FLVCR2: variants seen among roughly 807,000 people sequenced by gnomAD.
FLVCR2 encodes choline/ethanolamine transporter FLVCR2.
FLVCR2 carries 38 observed loss-of-function variants against 48.9 expected under a neutral mutation model. The observed-to-expected ratio is 0.78, with a 90% CI of 0.60 to 1.02. The LOEUF (loss-of-function observed/expected upper bound fraction) is 1.02. Ranked by LOEUF, FLVCR2 falls within the 50% of genes least tolerant of loss-of-function variation. The pLI, the probability that FLVCR2 is intolerant of heterozygous loss-of-function variation, is 0.00. For missense variants in FLVCR2, 664 were observed against 663.3 expected (o/e 1.00, Z -0.01); for synonymous variants, 255 against 257.0 (o/e 0.99, Z 0.07).
chr14:75,605,419 T>C (rs1156771357), intron 1 of FLVCR2: 5 of 1,446,716 alleles, frequency 3.5e-6, no homozygotes, highest in East Asian at 2.5e-5. Flanking sequence ...GAGTCATTCA[T>C]AGGTGGGAGG....
intron 9 of FLVCR2, among the ~76,000 whole-genome samples, chr14:75,643,172 T>C (rs1890343108): frequency 6.6e-6 from 1 of 152,234 alleles, no homozygotes; most frequent in Non-Finnish European, 1.5e-5. Context: ...TACAACATAC[T>C]TTTAATGCCT....
At chr14:75,590,515 A>G (rs910598192) in intron 1 of FLVCR2, among the ~76,000 whole-genome samples, 1 of 152,184 alleles carries the variant, frequency 6.6e-6, no homozygotes, top group Non-Finnish European at 1.5e-5. Flanking sequence ...GTCCCCACCA[A>G]ATCTCATGTT....
At chr14:75,597,610 C>T (rs908166193) in intron 1 of FLVCR2, among the ~76,000 whole-genome samples, 29 of 152,042 alleles carry the variant, frequency 1.9e-4, no homozygotes, top group Non-Finnish European at 4.0e-4. Flanking sequence ...CACTTTGCCC[C>T]CCAGGTTGGA....
Position 75,619,176 on chromosome 14 carries a change from G to C in FLVCR2, c.670-2903G>C, listed in dbSNP as rs554288038. Reference sequence around the variant, plus strand: ...GAGGCGGCAGAGGTTGCAGTGAACTGAGATCATGCCACTGCACTCCGTCCT... The same window carrying C: ...GAGGCGGCAGAGGTTGCAGTGAACTCAGATCATGCCACTGCACTCCGTCCT... On this transcript the variant is annotated intron_variant, in intron 1 of 9. Transcript: ENST00000238667. Among the ~76,000 whole-genome samples the C allele has an allele frequency of 8.0e-4, 122 of 152,196 alleles. 1 individual carries two copies. Among genetic ancestry groups the C allele is most frequent in the African/African-American group, 2.9e-3 (120 of 41,536 alleles).
chr14:75,595,774 A>G, intron 1 of FLVCR2: 1 of 711,990 alleles, frequency 1.4e-6, no homozygotes, highest in Middle Eastern at 4.0e-4. Context: ...AAAAATCCAC[A>G]ATGGCCACAG....
At chr14:75,610,641 G>A (rs937266134) in intron 1 of FLVCR2, among the ~76,000 whole-genome samples, 1 of 152,324 alleles carries the variant, frequency 6.6e-6, no homozygotes, top group East Asian at 1.9e-4. Context: ...TATAAACCGG[G>A]TGAGAGTGAG....
intron 1 of FLVCR2, chr14:75,605,356 T>G: frequency 2.9e-6 from 3 of 1,029,020 alleles, no homozygotes; most frequent in Non-Finnish European, 4.0e-6. Context: ...GTTAACCCAG[T>G]GGAATATCTC....
At chr14:75,599,224 G>C (rs1889101065) in intron 1 of FLVCR2, among the ~76,000 whole-genome samples, 2 of 151,900 alleles carry the variant, frequency 1.3e-5, no homozygotes, top group East Asian at 1.9e-4. Context: ...CCCCCATGCT[G>C]TGCCTCCAGT....
At chr14:75,613,608 G>A (rs1326107382) in intron 1 of FLVCR2, among the ~76,000 whole-genome samples, 1 of 152,088 alleles carries the variant, frequency 6.6e-6, no homozygotes, top group African/African-American at 2.4e-5. Flanking sequence ...CTGGAGTGCA[G>A]TGGCACATCT....
intron 6 of FLVCR2, among the ~76,000 whole-genome samples, chr14:75,640,405 TTGTGTGTGTGTGTGTG>T (rs10562124): frequency 1.3e-5 from 2 of 148,396 alleles, no homozygotes; most frequent in African/African-American, 2.5e-5. Context: ...ATATGAGTGT[TTGTGTGTGTGTGTGTG>T]TGTGTGTGTG....
At chr14:75,622,964 G>C (rs1335481544) in intron 2 of FLVCR2, among the ~76,000 whole-genome samples, 1 of 150,926 alleles carries the variant, frequency 6.6e-6, no homozygotes, top group African/African-American at 2.4e-5. Flanking sequence ...TACTGTTAAT[G>C]TTTTATTTAT....
intron 1 of FLVCR2, among the ~76,000 whole-genome samples, chr14:75,618,187 G>A (rs1032279216): frequency 2.6e-5 from 4 of 152,196 alleles, no homozygotes; most frequent in Non-Finnish European, 5.9e-5. Flanking sequence ...AAAATAGCTA[G>A]GAGCAGAGCT....
intron 1 of FLVCR2, among the ~76,000 whole-genome samples, chr14:75,602,568 T>C (rs1402163606): frequency 6.6e-6 from 1 of 152,188 alleles, no homozygotes; most frequent in Non-Finnish European, 1.5e-5. Context: ...TTTTTGTAGC[T>C]CTGTACCAAG....
chr14:75,609,403 T>G (rs1038241466), intron 1 of FLVCR2, among the ~76,000 whole-genome samples: 2 of 152,200 alleles, frequency 1.3e-5, no homozygotes, highest in Non-Finnish European at 2.9e-5. Flanking sequence ...GGGCCAGATC[T>G]AATGGTGCTG....
At chr14:75,615,013 G>A (rs1889572126) in intron 1 of FLVCR2, among the ~76,000 whole-genome samples, 1 of 152,140 alleles carries the variant, frequency 6.6e-6, no homozygotes, top group African/African-American at 2.4e-5. Context: ...GATTTTGGTG[G>A]GGACACAGAG....
Position 75,646,623 on chromosome 14 carries a change from C to T in FLVCR2, c.*151C>T, listed in dbSNP as rs763064606. On this transcript the variant is annotated 3_prime_UTR_variant, in exon 10 of 10. Coordinates refer to ENST00000238667, the MANE Select transcript of FLVCR2 (RefSeq NM_017791.3). The stretch of plus-strand genomic sequence containing the variant: ...CATGGATGGCCTATTCCTCCTAGAA[C>T]CCACGTAAGAGCTTGGATGATTTAG... 2.6e-4 allele frequency: 180 copies of T among 695,254 alleles called. 2 individuals carry two copies. In the Middle Eastern group the frequency reaches 3.0e-3, roughly 12 times the overall value. 43.1% of individuals were successfully genotyped at this position (695,254 alleles called of 1,614,324 possible). A position where few individuals can be genotyped will look rare whatever the true frequency, so the allele number is the denominator to read the frequency against.
intron 3 of FLVCR2, among the ~76,000 whole-genome samples, chr14:75,625,419 T>A (rs1305769717): frequency 6.6e-6 from 1 of 151,960 alleles, no homozygotes; most frequent in Non-Finnish European, 1.5e-5. Flanking sequence ...GTTTTCTGTA[T>A]CTTATTTCAA....
chr14:75,630,434 A>C (rs72723674), intron 3 of FLVCR2, among the ~76,000 whole-genome samples: 7,416 of 152,270 alleles, frequency 0.049, 235 homozygotes, highest in Middle Eastern at 0.12. Context: ...GTAGTTGCTA[A>C]AGATGCAGAT....
chr14:75,645,033 G>GGTGTGTGTGTGT (rs71119379), intron 9 of FLVCR2, among the ~76,000 whole-genome samples: 1 of 13,066 alleles, frequency 7.7e-5, no homozygotes, highest in Non-Finnish European at 2.8e-4. Context: ...AGGCGGGCGT[G>GGTGTGTGTGTGT]GTGTGTGTGT....
Sources: allele counts gnomAD v4.1 joint callset (sites outside exome capture counted in the v4.1 genomes callset), GRCh38; gene constraint gnomAD v4.1.1; transcripts MANE v1.5; gene names NCBI Gene and HGNC (gene_info 2026-07-23, HGNC 2026-07-21).